Variants in CADPS2 observed in about 807,000 individuals in gnomAD.
CADPS2 encodes calcium dependent secretion activator 2.
A neutral mutation model predicts 172.5 loss-of-function variants in CADPS2; 93 were observed. The observed-to-expected ratio is 0.54, with a 90% CI of 0.46 to 0.64. The LOEUF is 0.64. Among genes scored for constraint, CADPS2 ranks in the 30% least tolerant of loss-of-function variants. The pLI is 0.00. For missense variants in CADPS2, 1,420 were observed against 1,565.9 expected (o/e 0.91, Z 1.57); for synonymous variants, 546 against 555.2 (o/e 0.98, Z 0.23).
chr7:122,867,151 C>G (rs1818528034), intron 1 of CADPS2, among the ~76,000 whole-genome samples: 2 of 152,136 alleles, frequency 1.3e-5, no homozygotes, highest in African/African-American at 4.8e-5. Context: ...TCTAAAATAA[C>G]CACTGACACC....
intron 6 of CADPS2, among the ~76,000 whole-genome samples, chr7:122,598,399 T>A (rs2072227601): frequency 6.6e-6 from 1 of 152,086 alleles, no homozygotes; most frequent in South Asian, 2.1e-4. Flanking sequence ...AAGTGACATA[T>A]AAAGGAAATT....
intron 6 of CADPS2, among the ~76,000 whole-genome samples, chr7:122,581,960 T>C (rs1388569542): frequency 1.3e-5 from 2 of 152,126 alleles, no homozygotes; most frequent in Non-Finnish European, 2.9e-5. Context: ...ATTAATAGCA[T>C]CTTGCCTTTA....
intron 3 of CADPS2, among the ~76,000 whole-genome samples, chr7:122,638,333 T>A (rs2077272709): frequency 6.6e-6 from 1 of 152,118 alleles, no homozygotes; most frequent in Non-Finnish European, 1.5e-5. Flanking sequence ...CCCCACCCCC[T>A]GCTTGGGGCT....
In CADPS2 at chr7:122,529,877, G is replaced by A. The variant is rs1586896076; in HGVS notation, c.1476-16562C>T. ...AATAATTGGAAAGTTAACAAGAATT[G>A]CACTATAATGTTAATAGATTAGAAT... On this transcript the variant is annotated intron_variant, in intron 8 of 29. Transcript: ENST00000449022. 4.6e-5 allele frequency among the ~76,000 whole-genome samples: 7 copies of A among 152,160 alleles called. No homozygotes were observed. The South Asian group carries it at 1.5e-3, about 32-fold the overall frequency.
At chr7:122,348,128 G>A (rs1045270814) in intron 27 of CADPS2, among the ~76,000 whole-genome samples, 1 of 152,012 alleles carries the variant, frequency 6.6e-6, no homozygotes, top group African/African-American at 2.4e-5. Flanking sequence ...CCCCATTTTT[G>A]TTTCCATCTT....
intron 1 of CADPS2, among the ~76,000 whole-genome samples, chr7:122,856,995 C>T (rs2141215518): frequency 6.6e-6 from 1 of 152,242 alleles, no homozygotes; most frequent in South Asian, 2.1e-4. Flanking sequence ...TTGTGAAACC[C>T]AGCCCTCCTC....
intron 11 of CADPS2, 23 bp from the exon 12 acceptor site, chr7:122,480,883 G>A: frequency 1.3e-6 from 2 of 1,512,752 alleles, no homozygotes; most frequent in Non-Finnish European, 1.8e-6. Flanking sequence ...AAAGAAATGA[G>A]AAACAAAGCA....
At chr7:122,640,691 G>A (rs951266920) in intron 3 of CADPS2, among the ~76,000 whole-genome samples, 9 of 152,126 alleles carry the variant, frequency 5.9e-5, no homozygotes, top group Non-Finnish European at 1.5e-5. Context: ...CAGCACTTTG[G>A]GAGGCCGAGG....
chr7:122,491,824 G>T (rs2058313806), intron 9 of CADPS2, among the ~76,000 whole-genome samples: 2 of 152,020 alleles, frequency 1.3e-5, no homozygotes, highest in African/African-American at 2.4e-5. Flanking sequence ...GTAAGATTAG[G>T]AGTAGTCCTA....
At chr7:122,663,740 G>A (rs572622779) in intron 2 of CADPS2, among the ~76,000 whole-genome samples, 171 bp from the exon 3 acceptor site, 21 of 152,236 alleles carry the variant, frequency 1.4e-4, no homozygotes, top group African/African-American at 4.6e-4. Context: ...CATAATGTTG[G>A]CCCCAAATCT....
chr7:122,654,726 C>T (rs2079544994), intron 3 of CADPS2, among the ~76,000 whole-genome samples: 1 of 152,162 alleles, frequency 6.6e-6, no homozygotes, highest in Non-Finnish European at 1.5e-5. Context: ...AAGATCCATT[C>T]TGCAGCTCAT....
intron 6 of CADPS2, among the ~76,000 whole-genome samples, chr7:122,604,830 C>A (rs1258913518): frequency 3.9e-5 from 6 of 152,076 alleles, no homozygotes; most frequent in Non-Finnish European, 8.8e-5. Flanking sequence ...TGGAATCTAA[C>A]TACAGTCATG....
At chr7:122,562,389 A>G (rs1443455395) in intron 7 of CADPS2, among the ~76,000 whole-genome samples, 1 of 152,200 alleles carries the variant, frequency 6.6e-6, no homozygotes, top group Non-Finnish European at 1.5e-5. Context: ...AATTGAAGAG[A>G]GAAACAAGTC....
At chr7:122,463,984 C>T (rs1451587979) in intron 14 of CADPS2, among the ~76,000 whole-genome samples, 4 of 152,130 alleles carry the variant, frequency 2.6e-5, no homozygotes, top group Non-Finnish European at 5.9e-5. Flanking sequence ...CTAGCTCTGT[C>T]CAACTGAGAG....
intron 27 of CADPS2, among the ~76,000 whole-genome samples, chr7:122,357,906 T>A (rs903403877): frequency 2.6e-5 from 4 of 152,192 alleles, no homozygotes; most frequent in African/African-American, 9.7e-5. Context: ...TTGATTCCAG[T>A]TTGGGTGATT....
At chr7:122,651,623 A>G (rs529628392) in intron 3 of CADPS2, among the ~76,000 whole-genome samples, 1 of 152,300 alleles carries the variant, frequency 6.6e-6, no homozygotes, top group Non-Finnish European at 1.5e-5. Context: ...GTCTTCAGAC[A>G]TGAAGAATTT....
intron 28 of CADPS2, among the ~76,000 whole-genome samples, chr7:122,326,358 C>A (rs2033865764): frequency 6.6e-6 from 1 of 151,978 alleles, no homozygotes; most frequent in Non-Finnish European, 1.5e-5. Context: ...TTCTTTAATG[C>A]AATTTTCTGC....
intron 22 of CADPS2, among the ~76,000 whole-genome samples, chr7:122,390,766 C>T (rs576757509): frequency 6.6e-6 from 1 of 151,984 alleles, no homozygotes; most frequent in African/African-American, 2.4e-5. Flanking sequence ...TACATATAAC[C>T]TGCAATTTAT....
At chr7:122,802,370 T>G (rs974723592) in intron 1 of CADPS2, among the ~76,000 whole-genome samples, 2 of 152,244 alleles carry the variant, frequency 1.3e-5, no homozygotes, top group Admixed American at 1.3e-4. Flanking sequence ...CCTAATGCAC[T>G]TCCTGTTCCC....
Sources: allele counts gnomAD v4.1 joint callset (sites outside exome capture counted in the v4.1 genomes callset), GRCh38; gene constraint gnomAD v4.1.1; transcripts MANE v1.5; gene names NCBI Gene and HGNC (gene_info 2026-07-23, HGNC 2026-07-21).